Variants in LINGO2 observed in about 807,000 individuals in gnomAD.
LINGO2 encodes leucine rich repeat and Ig domain containing 2.
Under a neutral mutation model 30.6 loss-of-function variants are expected in LINGO2, and 14 were observed. The ratio of observed to expected loss-of-function variants is 0.46; its 90% CI spans 0.30 to 0.72. The LOEUF (loss-of-function observed/expected upper bound fraction) is 0.72. Among genes scored for constraint, LINGO2 ranks in the 30% least tolerant of loss-of-function variants. The probability of loss-of-function intolerance (pLI) is 0.07; values close to 1 mark genes in which losing one functional copy is unlikely to be tolerated. For missense variants in LINGO2, 729 were observed against 751.7 expected (o/e 0.97, Z 0.35); for synonymous variants, 317 against 288.5 (o/e 1.10, Z -1.00).
chr9:28,056,139 G>A (rs1245646436), intron 4 of LINGO2, among the ~76,000 whole-genome samples: 2 of 152,176 alleles, frequency 1.3e-5, no homozygotes, highest in African/African-American at 4.8e-5. Flanking sequence ...CCTATTTATT[G>A]TGTAGCAAGA....
chr9:28,496,083 T>C (rs1329247532), intron 1 of LINGO2, among the ~76,000 whole-genome samples: 1 of 151,374 alleles, frequency 6.6e-6, no homozygotes, highest in African/African-American at 2.4e-5. Context: ...CTTCCAACTA[T>C]GTAGTCAATT....
chr9:29,057,623 A>T, the LINGO2 span, among the ~76,000 whole-genome samples: 2 of 152,100 alleles, frequency 1.3e-5, no homozygotes, highest in African/African-American at 4.8e-5. Flanking sequence ...AATTTGTGAG[A>T]TGGTGTCAAA....
At chr9:28,408,716 A>G (rs1013911612) in intron 2 of LINGO2, among the ~76,000 whole-genome samples, 2 of 151,090 alleles carry the variant, frequency 1.3e-5, no homozygotes, top group Non-Finnish European at 2.9e-5. Flanking sequence ...ACATGTATAC[A>G]TATGTAACAA....
Position 28,147,618 on chromosome 9 carries a change from GGGTGCCAGCCAGCACCTGGGCGA to G in LINGO2, c.-86-135236_-86-135214del, listed in dbSNP as rs1478528366. On this transcript the variant is annotated intron_variant, in intron 4 of 5. Coordinates refer to ENST00000379992, the Ensembl canonical transcript of LINGO2. This position sits in a 1 kb window ranked among gnomAD's most constrained non-coding sequence, Gnocchi z 4.7. Reference sequence around the variant, plus strand: ...CAGGGCCGGCCAAGACAGGGCCACTGGGTGCCAGCCAGCACCTGGGCGAGGTGCCAGGTGGAAGGGCTCTGGCG... The same window carrying G: ...CAGGGCCGGCCAAGACAGGGCCACTGGGTGCCAGGTGGAAGGGCTCTGGCG... Among the ~76,000 whole-genome samples, 1 of 152,146 alleles carries G rather than the reference GGGTGCCAGCCAGCACCTGGGCGA, an allele frequency of 6.6e-6. No homozygotes were observed. Among genetic ancestry groups the G allele is most frequent in the Non-Finnish European group, 1.5e-5 (1 of 68,022 alleles).
intron 2 of LINGO2, among the ~76,000 whole-genome samples, chr9:28,433,265 C>T (rs1365014943): frequency 6.6e-6 from 1 of 152,100 alleles, no homozygotes; most frequent in East Asian, 1.9e-4. Flanking sequence ...TTATCCCTTT[C>T]CTACTCTCCC....
intron 4 of LINGO2, among the ~76,000 whole-genome samples, chr9:28,051,725 A>G (rs868168808): frequency 6.6e-6 from 1 of 152,034 alleles, no homozygotes; most frequent in East Asian, 1.9e-4. Flanking sequence ...GTTTTGTTCT[A>G]TTTTACTGCT....
the LINGO2 span, among the ~76,000 whole-genome samples, chr9:28,760,259 T>G: frequency 3.4e-4 from 51 of 152,164 alleles, no homozygotes; most frequent in African/African-American, 1.1e-3. Context: ...TTAGTAAGTA[T>G]AAAACACCTT....
intron 1 of LINGO2, among the ~76,000 whole-genome samples, chr9:28,537,842 A>G (rs917415892): frequency 6.6e-6 from 1 of 151,834 alleles, no homozygotes; most frequent in Non-Finnish European, 1.5e-5. Flanking sequence ...TGAGTCCTGA[A>G]AAAGTGTCAG....
intron 5 of LINGO2, among the ~76,000 whole-genome samples, chr9:27,996,591 C>A (rs1171402885): frequency 1.3e-5 from 2 of 151,894 alleles, no homozygotes; most frequent in Admixed American, 1.3e-4. Flanking sequence ...ATGGTGGTTA[C>A]TAGTGACAGG....
intron 1 of LINGO2, among the ~76,000 whole-genome samples, chr9:28,581,448 AT>A (rs1159903984): frequency 6.6e-6 from 1 of 151,524 alleles, no homozygotes; most frequent in Non-Finnish European, 1.5e-5. Flanking sequence ...TGATGATTTG[AT>A]TTTTTTAAAA....
chr9:27,972,707 G>A (rs1168892822), intron 5 of LINGO2, among the ~76,000 whole-genome samples: 1 of 152,164 alleles, frequency 6.6e-6, no homozygotes, highest in Non-Finnish European at 1.5e-5. Flanking sequence ...GCTTACCACA[G>A]GAGTCAGAAG....
intron 3 of LINGO2, among the ~76,000 whole-genome samples, chr9:28,354,969 G>A (rs16912722): frequency 6.6e-6 from 1 of 152,116 alleles, no homozygotes; most frequent in Admixed American, 6.6e-5. Flanking sequence ...AGCCTTTTCA[G>A]TGCAGCAGCT....
chr9:28,462,954 T>G lies in LINGO2; in HGVS notation c.-279+12986A>C, dbSNP rs374418627. Among the ~76,000 whole-genome samples the G allele has an allele frequency of 3.5e-4, 54 of 152,238 alleles. No individual in the cohort carries two copies. The South Asian group carries it at 7.0e-3, about 20-fold the overall frequency. On this transcript the variant is annotated intron_variant, in intron 2 of 5. Transcript: ENST00000379992. ...TTTAACATTAAGTTTTGCAAGACAG[T>G]GTATGTCTGCAAATCGTGGGAACTA...
rs539643152 is a variant in LINGO2 at position 28,530,053 on chromosome 9, C to T, written c.-364-54028G>A. The stretch of plus-strand genomic sequence containing the variant: ...GTAGAAGTAGGAAGTGATTCTTGAG[C>T]TTTTTGGGGGGAGTGAAAGCTGGTT... On this transcript the variant is annotated intron_variant, in intron 1 of 5. Coordinates refer to ENST00000379992, the Ensembl canonical transcript of LINGO2. 7.0e-4 allele frequency among the ~76,000 whole-genome samples: 106 copies of T among 151,900 alleles called. No individual in the cohort carries two copies. In the South Asian group the frequency reaches 8.5e-3, roughly 12 times the overall value.
the LINGO2 span, among the ~76,000 whole-genome samples, chr9:28,917,017 C>T: frequency 3.3e-5 from 5 of 152,090 alleles, no homozygotes; most frequent in Non-Finnish European, 7.4e-5. Flanking sequence ...ACTAATAATT[C>T]CCACATCCGT....
At chr9:28,720,112 T>C in the LINGO2 span, among the ~76,000 whole-genome samples, 1 of 152,064 alleles carries the variant, frequency 6.6e-6, no homozygotes, top group Non-Finnish European at 1.5e-5. Flanking sequence ...GTCATCCCCC[T>C]ACTAAAGTAC....
chr9:28,254,932 C>T (rs573335188), intron 4 of LINGO2, among the ~76,000 whole-genome samples: 2 of 152,092 alleles, frequency 1.3e-5, no homozygotes, highest in Admixed American at 6.5e-5. Flanking sequence ...CTCCACCCTA[C>T]AATAGGCCCC....
intron 1 of LINGO2, among the ~76,000 whole-genome samples, chr9:28,633,824 G>A (rs1827115972): frequency 6.6e-6 from 1 of 152,152 alleles, no homozygotes; most frequent in South Asian, 2.1e-4. Flanking sequence ...CCAAAGCCTG[G>A]AACACAATGC....
chr9:27,998,552 G>C (rs1019366875), intron 5 of LINGO2, among the ~76,000 whole-genome samples: 1 of 152,188 alleles, frequency 6.6e-6, no homozygotes, highest in Non-Finnish European at 1.5e-5. Context: ...GCCAAGGCAG[G>C]CAGATCACCT....
Sources: gnomAD v4.1 joint callset for allele counts (sites outside exome capture counted in the v4.1 genomes callset) on GRCh38, gnomAD v4.1.1 for gene constraint, Gnocchi (gnomAD v3.1) non-coding constraint, MANE v1.5 for transcripts, NCBI Gene and HGNC (gene_info 2026-07-23, HGNC 2026-07-21) for gene names.